The following FBXO17 variants were observed in gnomAD, a reference collection of about 807,000 sequenced individuals.
FBXO17 encodes the protein F-box protein 17.
FBXO17 carries 43 observed loss-of-function variants against 34.1 expected under a neutral mutation model. That is an observed-to-expected ratio of 1.26 (90% CI 0.99 to 1.62). The LOEUF is 1.62. FBXO17 is among the 40% of genes most tolerant of loss of function. The pLI, the probability that FBXO17 is intolerant of heterozygous loss-of-function variation, is 0.00. For missense variants in FBXO17, 424 were observed against 386.7 expected, an observed-to-expected ratio of 1.10 and a Z score of -0.81; for synonymous variants, 169 against 166.0, an observed-to-expected ratio of 1.02 and a Z score of -0.14.
intron 1 of FBXO17, among the ~76,000 whole-genome samples, chr19:38,956,126 C>T (rs1005827489): frequency 6.6e-6 from 1 of 151,804 alleles, no homozygotes; most frequent in African/African-American, 2.4e-5. Flanking sequence ...AGTAGCGGAG[C>T]GTGGTGGTGG....
Position 38,960,946 on chromosome 19 carries a change from A to C in FBXO17, c.-17-10610T>G, listed in dbSNP as rs150454843. 3.6e-3 allele frequency among the ~76,000 whole-genome samples: 544 copies of C among 151,800 alleles called. 2 individuals are homozygous for C. Among genetic ancestry groups the C allele is most frequent in the African/African-American group, 0.012 (515 of 41,352 alleles). On this transcript the variant is annotated intron_variant, in intron 1 of 5. Transcript: ENST00000292852. ...CTCAGCCTTCTGAGTAACTGGGATCACAGGTGCGCACCACCACGCCAGGCT... is the reference window on the plus strand; with the variant it reads ...CTCAGCCTTCTGAGTAACTGGGATCCCAGGTGCGCACCACCACGCCAGGCT...
chr19:38,949,869 G>A, intron 2 of FBXO17, 102 bp downstream of exon 2: 1 of 1,333,616 alleles, frequency 7.5e-7, no homozygotes, highest in Non-Finnish European at 9.8e-7. Flanking sequence ...TCCTCCAGCG[G>A]TCTCGCCCAT....
chr19:38,952,691 C>G, intron 1 of FBXO17: 1 of 527,762 alleles, frequency 1.9e-6, no homozygotes, highest in Non-Finnish European at 3.9e-6. Context: ...TTTCTATAAC[C>G]AGATAGTTCT....
intron 5 of FBXO17, among the ~76,000 whole-genome samples, chr19:38,943,948 G>T (rs1974933193): frequency 6.6e-6 from 1 of 152,120 alleles, no homozygotes; most frequent in African/African-American, 2.4e-5. Context: ...ACGATATTAT[G>T]CAGCCATCAC....
chr19:38,949,829 G>T (rs1393437920), intron 2 of FBXO17, 142 bp downstream of exon 2: 28 of 1,054,180 alleles, frequency 2.7e-5, no homozygotes, highest in Non-Finnish European at 3.5e-5. Flanking sequence ...TACCGCCCAG[G>T]CACTGCGTCC....
intron 1 of FBXO17, among the ~76,000 whole-genome samples, chr19:38,960,551 C>T (rs145371275): frequency 0.01 from 1,574 of 152,268 alleles, 32 homozygotes; most frequent in African/African-American, 0.036. Context: ...CTCTGTCCCC[C>T]AGGCTAGAGT....
At chr19:38,944,342 C>T (rs1974940343) in intron 5 of FBXO17, among the ~76,000 whole-genome samples, 1 of 151,828 alleles carries the variant, frequency 6.6e-6, no homozygotes, top group African/African-American at 2.4e-5. Flanking sequence ...AACTGGGCTC[C>T]AACCATCCTC....
intron 1 of FBXO17, among the ~76,000 whole-genome samples, chr19:38,968,446 A>G (rs1402373499): frequency 1.3e-5 from 2 of 151,304 alleles, no homozygotes; most frequent in Admixed American, 1.3e-4. Flanking sequence ...TGAATGCGCC[A>G]CCACCCTCCA....
chr19:38,947,715 T>C (rs1975006611), intron 3 of FBXO17, among the ~76,000 whole-genome samples: 1 of 152,200 alleles, frequency 6.6e-6, no homozygotes, highest in South Asian at 2.1e-4. Flanking sequence ...TTCTTTTCTT[T>C]TGAGTCAAGG....
intron 4 of FBXO17, chr19:38,945,532 G>A (rs796572120): frequency 2.0e-5 from 2 of 98,252 alleles, no homozygotes; most frequent in East Asian, 8.3e-4. Flanking sequence ...CTGGGGTGGA[G>A]CCAGAGCCTC....
At chr19:38,954,565 G>A (rs572880190) in intron 1 of FBXO17, among the ~76,000 whole-genome samples, 6 of 137,430 alleles carry the variant, frequency 4.4e-5, no homozygotes, top group Non-Finnish European at 7.8e-5. Context: ...CCACTGCGCC[G>A]GGCCGAGAAT....
intron 3 of FBXO17, among the ~76,000 whole-genome samples, chr19:38,948,012 T>C (rs1031561530): frequency 1.1e-4 from 16 of 150,772 alleles, no homozygotes; most frequent in African/African-American, 2.7e-4. Flanking sequence ...ATGTTCCCTT[T>C]TTTTTTTTTT....
At chr19:38,970,558 C>T (rs1463508333) in intron 1 of FBXO17, among the ~76,000 whole-genome samples, 1 of 152,106 alleles carries the variant, frequency 6.6e-6, no homozygotes, top group African/African-American at 2.4e-5. Context: ...GGGAAATATG[C>T]AGGTCCACAT....
At chr19:38,955,079 C>T (rs1266107815) in intron 1 of FBXO17, among the ~76,000 whole-genome samples, 2 of 151,518 alleles carry the variant, frequency 1.3e-5, no homozygotes, top group African/African-American at 2.4e-5. Context: ...TACAGGCGCC[C>T]ACCACCATGC....
At chr19:38,959,295 T>C (rs1377742165) in intron 1 of FBXO17, among the ~76,000 whole-genome samples, 1 of 149,770 alleles carries the variant, frequency 6.7e-6, no homozygotes, top group Non-Finnish European at 1.5e-5. Context: ...TTTTTTTTTT[T>C]TGAGACAGAG....
Position 38,942,513 on chromosome 19 carries a change from C to T in FBXO17, c.*95G>A, listed in dbSNP as rs545309482. On this transcript the variant is annotated 3_prime_UTR_variant, in exon 6 of 6. Coordinates refer to ENST00000292852, the MANE Select transcript of FBXO17 (RefSeq NM_024907.7). Reference sequence around the variant, plus strand: ...CCGAGCTCCAGTGATCCTCCCACCTCGGCCTCCTGAAGTGCTGGGATTCCA... The same window carrying T: ...CCGAGCTCCAGTGATCCTCCCACCTTGGCCTCCTGAAGTGCTGGGATTCCA... The T allele has an allele frequency of 6.7e-6, 9 of 1,333,440 alleles. No homozygotes were observed. The East Asian group carries it at 8.4e-5, about 12-fold the overall frequency. The allele number at this position is 1,333,440 out of a possible 1,614,324, so 82.6% of individuals were successfully genotyped here.
chr19:38,971,921 CACTT>C (rs1331244689), intron 1 of FBXO17, among the ~76,000 whole-genome samples: 13 of 152,232 alleles, frequency 8.5e-5, no homozygotes, highest in African/African-American at 3.1e-4. Context: ...GTTAACTGAG[CACTT>C]ACTTTGCTCT....
At chr19:38,950,795 A>G (rs1975071820) in intron 1 of FBXO17, among the ~76,000 whole-genome samples, 1 of 148,154 alleles carries the variant, frequency 6.7e-6, no homozygotes, top group Non-Finnish European at 1.5e-5. Flanking sequence ...TTTGTCAAAG[A>G]TTTTTTTTTT....
At chr19:38,944,256 CATTATTATTATT>C (rs55839664) in intron 5 of FBXO17, among the ~76,000 whole-genome samples, 1 of 146,560 alleles carries the variant, frequency 6.8e-6, no homozygotes. Flanking sequence ...TGATCTGACT[CATTATTATTATT>C]ATTATTATTA....
Sources: allele counts gnomAD v4.1 joint callset (sites outside exome capture counted in the v4.1 genomes callset), GRCh38; gene constraint gnomAD v4.1.1; transcripts MANE v1.5; gene names NCBI Gene and HGNC (gene_info 2026-07-23, HGNC 2026-07-21).